GHR: variants seen among roughly 807,000 people sequenced by gnomAD.
GHR encodes the protein GH receptor.
In GHR, 35 loss-of-function variants were observed where a neutral mutation model predicts 67.1. The ratio of observed to expected loss-of-function variants is 0.52; its 90% confidence interval spans 0.40 to 0.69. The LOEUF is 0.69. Among genes scored for constraint, GHR ranks in the 30% least tolerant of loss-of-function variants. The pLI, the probability that GHR is intolerant of heterozygous loss-of-function variation, is 0.00. For missense variants in GHR, 792 were observed against 764.6 expected (o/e 1.04, Z -0.42); for synonymous variants, 272 against 269.1 (o/e 1.01, Z -0.10).
At position 42,586,416 on chromosome 5, in the gene GHR, T is replaced by G. The variant is rs986183208; in HGVS notation, c.70+20472T>G. 3.9e-5 allele frequency among the ~76,000 whole-genome samples: 6 copies of G among 152,332 alleles called. No individual in the cohort carries two copies. The East Asian group carries it at 7.7e-4, about 20-fold the overall frequency. ...AAGAAAAAGCTTTTTTCTCAATAAA[T>G]GGGTTTTAACTTTGTAATGGATTAT... On this transcript the variant is annotated intron_variant, in intron 2 of 9. Transcript: ENST00000230882.
intron 1 of GHR, among the ~76,000 whole-genome samples, chr5:42,529,087 C>T (rs1338641743): frequency 2.0e-5 from 3 of 150,950 alleles, no homozygotes; most frequent in African/African-American, 4.9e-5. Flanking sequence ...TCTTGGCTCA[C>T]TGCAAGCTCT....
intron 2 of GHR, among the ~76,000 whole-genome samples, chr5:42,588,544 A>AAAAAAAAAAAAAAAAAAAAAAT (rs1266761934): frequency 6.7e-6 from 1 of 150,268 alleles, no homozygotes; most frequent in Non-Finnish European, 1.5e-5. Context: ...AAAAAAAAAA[A>AAAAAAAAAAAAAAAAAAAAAAT]AAAAAAAGTG....
rs191245221 is a variant in GHR at position 42,452,377 on chromosome 5, A to G, written c.-12+28422A>G. 3.3e-3 allele frequency among the ~76,000 whole-genome samples: 496 copies of G among 152,228 alleles called. 3 individuals are homozygous for G. The highest frequency in any genetic ancestry group is 0.011 in the African/African-American group (454 of 41,544). ...TAGATAAACTGATGACTGAGTGTCT[A>G]GGTGATTATCTTTGCAATGAATTTT... On this transcript the variant is annotated intron_variant, in intron 1 of 9. Coordinates refer to ENST00000230882, the MANE Select transcript of GHR (RefSeq NM_000163.5).
chr5:42,507,094 A>G (rs753189095), intron 1 of GHR, among the ~76,000 whole-genome samples: 5 of 152,200 alleles, frequency 3.3e-5, no homozygotes, highest in Non-Finnish European at 4.4e-5. Context: ...TTTCTCTGAC[A>G]CAGAATCTTA....
chr5:42,697,482 C>T (rs992203770), intron 5 of GHR, among the ~76,000 whole-genome samples: 8 of 152,146 alleles, frequency 5.3e-5, no homozygotes, highest in African/African-American at 1.9e-4. Flanking sequence ...GAGGCAGTGG[C>T]ATTTGAATAA....
rs182722801 is a variant in GHR, at chr5:42,524,311, G to T, written c.-11-41553G>T. Reference sequence around the variant, plus strand: ...GGTTTCAGATGGAGATGAGGAACTTGTTGGGAACTGGAGAAAATATGACTC... The same window carrying T: ...GGTTTCAGATGGAGATGAGGAACTTTTTGGGAACTGGAGAAAATATGACTC... On this transcript the variant is annotated intron_variant, in intron 1 of 9. Transcript: ENST00000230882. Among the ~76,000 whole-genome samples, 81 of 152,296 alleles carry T rather than the reference G, an allele frequency of 5.3e-4. 1 individual carries two copies. Among genetic ancestry groups the T allele is most frequent in the South Asian group, 2.1e-3 (10 of 4,826 alleles).
At chr5:42,584,511 A>G (rs1053313767) in intron 2 of GHR, among the ~76,000 whole-genome samples, 1 of 152,184 alleles carries the variant, frequency 6.6e-6, no homozygotes, top group Non-Finnish European at 1.5e-5. Flanking sequence ...TCGTACTCCA[A>G]ACACCGACAT....
At chr5:42,627,875 A>AG (rs1753782859) in intron 2 of GHR, among the ~76,000 whole-genome samples, 3 of 152,226 alleles carry the variant, frequency 2.0e-5, no homozygotes, top group Non-Finnish European at 4.4e-5. Context: ...CTGTATCCCA[A>AG]GCTCTTGCCC....
At chr5:42,625,386 A>G (rs1021618337) in intron 2 of GHR, among the ~76,000 whole-genome samples, 4 of 152,202 alleles carry the variant, frequency 2.6e-5, no homozygotes, top group African/African-American at 9.7e-5. Context: ...ATAACACAGA[A>G]TATTTTGGTG....
chr5:42,431,285 G>A (rs2111894247), intron 1 of GHR, among the ~76,000 whole-genome samples: 1 of 152,232 alleles, frequency 6.6e-6, no homozygotes, highest in African/African-American at 2.4e-5. Context: ...AAGTCTTTCT[G>A]AAATATTGTT....
intron 2 of GHR, among the ~76,000 whole-genome samples, chr5:42,605,831 C>T (rs1354782259): frequency 1.3e-5 from 2 of 152,198 alleles, no homozygotes; most frequent in African/African-American, 2.4e-5. Context: ...TAATTGCCTG[C>T]TCCATCAGCT....
intron 3 of GHR, among the ~76,000 whole-genome samples, chr5:42,642,420 T>A (rs1280737438): frequency 6.6e-6 from 1 of 152,080 alleles, no homozygotes; most frequent in Non-Finnish European, 1.5e-5. Context: ...TTATGATTAC[T>A]TTCTCTACAA....
chr5:42,479,391 T>G (rs1297490653), intron 1 of GHR, among the ~76,000 whole-genome samples: 2 of 152,258 alleles, frequency 1.3e-5, no homozygotes, highest in Admixed American at 6.5e-5. Flanking sequence ...AGGATGATGC[T>G]AGCCTCATAA....
At chr5:42,436,338 C>T (rs1561302144) in intron 1 of GHR, among the ~76,000 whole-genome samples, 1 of 152,080 alleles carries the variant, frequency 6.6e-6, no homozygotes, top group African/African-American at 2.4e-5. Context: ...CTTGCTTAAC[C>T]CCTATTCTTG....
In GHR at chr5:42,719,025, G is replaced by A; in HGVS notation, c.1518G>A (p.Lys506=). The change falls in exon 10 of 10, where the codon AAG becomes AAA. Residue 506 remains lysine (K), a synonymous_variant. Transcript: ENST00000230882. ...GTGTGGTCCTTTCCCCGGGCCAAAAGAATAAGGCAGGGATGTCCCAATGTG... is the reference window on the plus strand; with the variant it reads ...GTGTGGTCCTTTCCCCGGGCCAAAAAAATAAGGCAGGGATGTCCCAATGTG... ...AGSVVLSPGQ[K]NKAGMSQCDM... 6.2e-7 allele frequency: 1 copy of A among 1,607,208 alleles called. No homozygotes were observed. The highest frequency in any genetic ancestry group is 8.5e-7 in the Non-Finnish European group (1 of 1,175,644).
rs1758960601 is a variant in GHR at position 42,720,372 on chromosome 5, A to G, written c.*948A>G. ...ATACATGCTAAGAGAAGTAGAAATC[A>G]TAGCTGGTTCACACTGACCAAGATA... On this transcript the variant is annotated 3_prime_UTR_variant, in exon 10 of 10. Coordinates refer to ENST00000230882, the MANE Select transcript of GHR (RefSeq NM_000163.5). 1 of 152,208 alleles carries G rather than the reference A, an allele frequency of 6.6e-6. No individual in the cohort carries two copies. Among genetic ancestry groups the G allele is most frequent in the Admixed American group, 6.5e-5 (1 of 15,284 alleles). 9.4% of individuals were successfully genotyped at this position (152,208 alleles called of 1,614,324 possible). A position where few individuals can be genotyped will look rare whatever the true frequency, so the allele number is the denominator to read the frequency against.
At position 42,720,367 on chromosome 5, in the gene GHR, A is replaced by G. The variant is rs1758960332; in HGVS notation, c.*943A>G. On this transcript the variant is annotated 3_prime_UTR_variant, in exon 10 of 10. Transcript: ENST00000230882. ...AAAAAATACATGCTAAGAGAAGTAGAAATCATAGCTGGTTCACACTGACCA... is the reference window on the plus strand; with the variant it reads ...AAAAAATACATGCTAAGAGAAGTAGGAATCATAGCTGGTTCACACTGACCA... 1 of 152,234 alleles carries G rather than the reference A, an allele frequency of 6.6e-6. No homozygotes were observed. The highest frequency in any genetic ancestry group is 1.9e-4 in the East Asian group (1 of 5,208). The allele number at this position is 152,234 out of a possible 1,614,324, so 9.4% of individuals were successfully genotyped here. A position where few individuals can be genotyped will look rare whatever the true frequency, so the allele number is the denominator to read the frequency against.
At chr5:42,473,139 AGAATTCACCCTAACTGGGT>A (rs1156499112) in intron 1 of GHR, among the ~76,000 whole-genome samples, 2 of 152,228 alleles carry the variant, frequency 1.3e-5, no homozygotes, top group African/African-American at 2.4e-5. Flanking sequence ...GGGCATCACC[AGAATTCACCCTAACTGGGT>A]GAATTCATGG....
chr5:42,504,778 A>T (rs1746687653), intron 1 of GHR, among the ~76,000 whole-genome samples: 1 of 152,130 alleles, frequency 6.6e-6, no homozygotes. Context: ...AAAATAAAAT[A>T]AAAGTAAAGG....
Sources: gnomAD v4.1 joint callset for allele counts (sites outside exome capture counted in the v4.1 genomes callset) on GRCh38, gnomAD v4.1.1 for gene constraint, MANE v1.5 for transcripts, NCBI Gene and HGNC (gene_info 2026-07-23, HGNC 2026-07-21) for gene names.